Variants in CDS2 observed in about 807,000 individuals in gnomAD.
CDS2 encodes phosphatidate cytidylyltransferase 2.
A neutral mutation model predicts 59.0 loss-of-function variants in CDS2; 47 were observed. The ratio of observed to expected loss-of-function variants is 0.80; its 90% CI spans 0.63 to 1.02. The LOEUF is 1.02. Among genes scored for constraint, CDS2 ranks in the 50% least tolerant of loss-of-function variants. The pLI, the probability that CDS2 is intolerant of heterozygous loss-of-function variation, is 0.00. For missense variants in CDS2, 356 were observed against 558.9 expected (o/e 0.64, Z 3.66); for synonymous variants, 207 against 206.4 (o/e 1.00, Z -0.02).
intron 5 of CDS2, among the ~76,000 whole-genome samples, chr20:5,179,954 G>A (rs557691491): frequency 3.3e-4 from 51 of 152,260 alleles, no homozygotes; most frequent in African/African-American, 1.1e-3. Flanking sequence ...CAGCTTGATA[G>A]CAATACTTCT....
intron 10 of CDS2, chr20:5,187,611 T>C (rs562169897): frequency 6.6e-6 from 1 of 152,312 alleles, no homozygotes; most frequent in East Asian, 1.9e-4. Context: ...CTAGGCACAG[T>C]GGCTCACACC....
intron 1 of CDS2, among the ~76,000 whole-genome samples, chr20:5,163,679 T>G (rs2090892300): frequency 6.6e-6 from 1 of 152,216 alleles, no homozygotes; most frequent in African/African-American, 2.4e-5. Flanking sequence ...TAGGAATGTT[T>G]CTTCAAAGAC....
At chr20:5,173,468 C>T (rs1254630767) in intron 1 of CDS2, 55 bp from the exon 2 acceptor site, 3 of 1,601,718 alleles carry the variant, frequency 1.9e-6, no homozygotes, top group Non-Finnish European at 2.6e-6. Context: ...ATAGACTTCT[C>T]AATGGTCTAC....
At chr20:5,135,565 C>CT (rs1366263737) in intron 1 of CDS2, among the ~76,000 whole-genome samples, 8 of 152,288 alleles carry the variant, frequency 5.3e-5, no homozygotes, top group Non-Finnish European at 1.0e-4. Flanking sequence ...GGGCAGGGTT[C>CT]CTGCCTTCCA....
chr20:5,189,754 C>T lies in CDS2; in HGVS notation c.1121C>T (p.Pro374Leu). 6.2e-7 allele frequency: 1 copy of T among 1,614,008 alleles called. No homozygotes were observed. The highest frequency in any genetic ancestry group is 8.5e-7 in the Non-Finnish European group (1 of 1,179,902). The change falls in exon 12 of 13, where the codon CCT becomes CTT. Residue 374 changes from proline to leucine, a missense_variant. Pro to Leu is a moderately conservative substitution (Grantham distance 98). Transcript: ENST00000460006. ...FKIKDFANTI[P>L]GHGGIMDRFD... is the part of the protein sequence containing the mutation. The stretch of plus-strand genomic sequence containing the variant: ...TAACAGGACTTTGCCAATACCATTC[C>T]TGGCCATGGAGGCATCATGGATCGC...
chr20:5,171,699 C>T (rs191931817), intron 1 of CDS2, among the ~76,000 whole-genome samples: 55 of 152,236 alleles, frequency 3.6e-4, no homozygotes, highest in African/African-American at 1.3e-3. Context: ...GGGACACAGC[C>T]CTGGGTGAGA....
chr20:5,189,670 C>A, intron 11 of CDS2, 65 bp from the exon 12 acceptor site: 4 of 1,168,034 alleles, frequency 3.4e-6, no homozygotes, highest in Non-Finnish European at 5.1e-6. Flanking sequence ...TGGGGTGGGA[C>A]CATTAGGCTG....
At chr20:5,136,818 A>G (rs261343) in intron 1 of CDS2, among the ~76,000 whole-genome samples, 118,103 of 152,046 alleles carry the variant, frequency 0.78, 46,966 homozygotes, top group African/African-American at 0.94. Context: ...GGTTCAGGGG[A>G]TACATGTGCA....
chr20:5,179,323 T>C (rs1352839155), intron 5 of CDS2, among the ~76,000 whole-genome samples: 4 of 152,214 alleles, frequency 2.6e-5, no homozygotes, highest in Non-Finnish European at 5.9e-5. Context: ...AGTTTCGCCA[T>C]GTTGGCCAGG....
chr20:5,137,148 G>A (rs2090655490), intron 1 of CDS2, among the ~76,000 whole-genome samples: 1 of 151,342 alleles, frequency 6.6e-6, no homozygotes, highest in Admixed American at 6.6e-5. Context: ...CTCTTAACTG[G>A]CCTTTCTCCC....
intron 9 of CDS2, 108 bp downstream of exon 9, chr20:5,185,934 C>A (rs1600515971): frequency 3.8e-6 from 4 of 1,057,032 alleles, no homozygotes; most frequent in Admixed American, 2.1e-5. Context: ...CAGGACTGTC[C>A]TGCTGAATGG....
intron 1 of CDS2, among the ~76,000 whole-genome samples, chr20:5,155,121 C>G (rs1247199589): frequency 6.6e-6 from 1 of 152,260 alleles, no homozygotes; most frequent in Non-Finnish European, 1.5e-5. Flanking sequence ...GTGGGAAATG[C>G]AACTCATTTA....
chr20:5,168,686 G>A (rs940888996), intron 1 of CDS2: 1 of 515,720 alleles, frequency 1.9e-6, no homozygotes. Flanking sequence ...CCACCAGGCT[G>A]GCAGGAAACC....
intron 5 of CDS2, among the ~76,000 whole-genome samples, chr20:5,179,175 G>A (rs1349012055): frequency 6.7e-6 from 1 of 148,684 alleles, no homozygotes; most frequent in Non-Finnish European, 1.5e-5. Flanking sequence ...AGGCCAGAGT[G>A]CAGTGGCACC....
chr20:5,168,457 G>A (rs1449351106), intron 1 of CDS2, among the ~76,000 whole-genome samples: 3 of 151,406 alleles, frequency 2.0e-5, no homozygotes, highest in Admixed American at 2.0e-4. Flanking sequence ...AAAAAGAAAT[G>A]GGGTATAGGG....
chr20:5,178,109 T>C (rs1201440704), intron 4 of CDS2, among the ~76,000 whole-genome samples: 1 of 152,222 alleles, frequency 6.6e-6, no homozygotes, highest in Non-Finnish European at 1.5e-5. Context: ...CTGTGGAGGC[T>C]GCAAGGGATG....
intron 6 of CDS2, 73 bp downstream of exon 6, chr20:5,182,518 T>A (rs1400857849): frequency 7.4e-7 from 1 of 1,349,704 alleles, no homozygotes; most frequent in Non-Finnish European, 1.0e-6. Flanking sequence ...AACAAGCCTT[T>A]CATGCTTTCT....
chr20:5,158,064 A>AGCTATC (rs1358301178), intron 1 of CDS2, among the ~76,000 whole-genome samples: 1 of 151,768 alleles, frequency 6.6e-6, no homozygotes, highest in Non-Finnish European at 1.5e-5. Context: ...TTAGCTTATC[A>AGCTATC]GCTATCGTTA....
At chr20:5,136,324 G>A (rs1412569082) in intron 1 of CDS2, among the ~76,000 whole-genome samples, 5 of 152,136 alleles carry the variant, frequency 3.3e-5, no homozygotes, top group Admixed American at 3.3e-4. Context: ...AATCCCAGAT[G>A]ACTCGGTTAC....
Sources: allele counts gnomAD v4.1 joint callset (sites outside exome capture counted in the v4.1 genomes callset), GRCh38; gene constraint gnomAD v4.1.1; transcripts MANE v1.5; gene names NCBI Gene and HGNC (gene_info 2026-07-23, HGNC 2026-07-21).